LSAMP: variants seen among roughly 807,000 people sequenced by gnomAD.
LSAMP encodes limbic system-associated membrane protein.
LSAMP carries 7 observed loss-of-function variants against 38.6 expected under a neutral mutation model. The observed-to-expected ratio is 0.18, with a 90% CI of 0.10 to 0.34. LSAMP has a LOEUF of 0.34. LSAMP is among the 10% of genes least tolerant of loss of function. The pLI, the probability that LSAMP is intolerant of heterozygous loss-of-function variation, is 1.00. For missense variants in LSAMP, 313 were observed against 420.0 expected, an observed-to-expected ratio of 0.75 and a Z score of 2.23; for synonymous variants, 154 against 166.8, an observed-to-expected ratio of 0.92 and a Z score of 0.59.
rs567081851 is a variant in LSAMP at position 115,862,327 on chromosome 3, G to A, written c.515-9710C>T. Reference sequence around the variant, plus strand: ...GTGAATGTGTTAAACTCAGCAGGGTGATTGCACTATGGAAGGATTGCTAGG... The same window carrying A: ...GTGAATGTGTTAAACTCAGCAGGGTAATTGCACTATGGAAGGATTGCTAGG... On this transcript the variant is annotated intron_variant, in intron 3 of 6. Coordinates refer to ENST00000490035, the MANE Select transcript of LSAMP (RefSeq NM_002338.5). Among the ~76,000 whole-genome samples the A allele has an allele frequency of 3.3e-5, 5 of 152,314 alleles. No individual in the cohort carries two copies. In the East Asian group the frequency reaches 9.6e-4, roughly 29 times the overall value.
chr3:116,071,617 G>A (rs1196543685), intron 2 of LSAMP, among the ~76,000 whole-genome samples: 1 of 151,898 alleles, frequency 6.6e-6, no homozygotes, highest in Non-Finnish European at 1.5e-5. Context: ...TTAAGTTCTA[G>A]GGTACACTGG....
chr3:115,817,107 C>T (rs569685096), intron 6 of LSAMP, among the ~76,000 whole-genome samples: 1 of 152,202 alleles, frequency 6.6e-6, no homozygotes, highest in South Asian at 2.1e-4. Flanking sequence ...GCTTGCTTTT[C>T]ATTTGCTTGG....
chr3:116,170,281 C>T (rs1710164366), intron 1 of LSAMP, among the ~76,000 whole-genome samples: 1 of 150,984 alleles, frequency 6.6e-6, no homozygotes, highest in African/African-American at 2.5e-5. Flanking sequence ...TTTTATAAGC[C>T]AATCGGAGGA....
intron 1 of LSAMP, among the ~76,000 whole-genome samples, chr3:116,285,966 T>TTCA (rs921087790): frequency 8.5e-5 from 13 of 152,096 alleles, no homozygotes; most frequent in African/African-American, 3.1e-4. Context: ...GAAAACAGGC[T>TTCA]TCATCTCTAG....
intron 2 of LSAMP, among the ~76,000 whole-genome samples, chr3:116,023,801 TG>T (rs1361301729): frequency 6.6e-6 from 1 of 152,192 alleles, no homozygotes; most frequent in East Asian, 1.9e-4. Flanking sequence ...CATTCATGAT[TG>T]GCCCTGCTTA....
At chr3:116,133,224 A>C (rs1709173182) in intron 1 of LSAMP, among the ~76,000 whole-genome samples, 1 of 151,832 alleles carries the variant, frequency 6.6e-6, no homozygotes, top group Non-Finnish European at 1.5e-5. Flanking sequence ...AACTTGGTGA[A>C]TCTCTTTCCA....
At chr3:116,149,123 G>A (rs1406139010) in intron 1 of LSAMP, among the ~76,000 whole-genome samples, 1 of 151,974 alleles carries the variant, frequency 6.6e-6, no homozygotes, top group African/African-American at 2.4e-5. Flanking sequence ...TCTAGAGAGA[G>A]GGTTCATGTG....
intron 4 of LSAMP, among the ~76,000 whole-genome samples, chr3:115,844,761 G>A (rs1391889871): frequency 6.6e-6 from 1 of 152,152 alleles, no homozygotes; most frequent in Non-Finnish European, 1.5e-5. Context: ...TGGATCACTT[G>A]AGGTCAGGAG....
At chr3:115,861,764 C>T (rs1316081671) in intron 3 of LSAMP, among the ~76,000 whole-genome samples, 1 of 152,142 alleles carries the variant, frequency 6.6e-6, no homozygotes, top group African/African-American at 2.4e-5. Flanking sequence ...TTTCCTGGGA[C>T]ATACTGTGGA....
At chr3:116,177,845 A>G (rs889529052) in intron 1 of LSAMP, among the ~76,000 whole-genome samples, 7 of 152,258 alleles carry the variant, frequency 4.6e-5, no homozygotes, top group East Asian at 1.9e-4. Context: ...GAAGCAGTTA[A>G]AAAAATGTCC....
intron 1 of LSAMP, among the ~76,000 whole-genome samples, chr3:116,203,529 C>T (rs2046020254): frequency 6.7e-6 from 1 of 150,026 alleles, no homozygotes; most frequent in Admixed American, 6.6e-5. Context: ...AGGTATATCT[C>T]CCAATGCTAT....
At chr3:116,372,714 A>G (rs1489915463) in intron 1 of LSAMP, among the ~76,000 whole-genome samples, 1 of 146,262 alleles carries the variant, frequency 6.8e-6, no homozygotes, top group African/African-American at 2.5e-5. Context: ...TTAAAAAAAA[A>G]TGGGCAAAAG....
intron 3 of LSAMP, among the ~76,000 whole-genome samples, chr3:115,871,189 A>G (rs1936022612): frequency 1.3e-5 from 2 of 152,142 alleles, no homozygotes; most frequent in African/African-American, 4.8e-5. Flanking sequence ...GATAGACCAT[A>G]GAGAAAATGG....
chr3:116,076,581 A>T (rs963451807), intron 2 of LSAMP, among the ~76,000 whole-genome samples: 19 of 152,296 alleles, frequency 1.2e-4, no homozygotes, highest in African/African-American at 4.6e-4. Context: ...AAAGTTGGTT[A>T]TTTATGCCTG....
At chr3:116,172,895 AAC>A (rs1447910821) in intron 1 of LSAMP, among the ~76,000 whole-genome samples, 1 of 152,022 alleles carries the variant, frequency 6.6e-6, no homozygotes, top group African/African-American at 2.4e-5. Flanking sequence ...CAGGAAACAT[AAC>A]AGTTTCCACA....
chr3:115,920,797 T>C (rs1021719890), intron 3 of LSAMP, among the ~76,000 whole-genome samples: 6 of 152,130 alleles, frequency 3.9e-5, no homozygotes, highest in Non-Finnish European at 8.8e-5. Context: ...AGTATTGAAA[T>C]GCCCTACTAT....
chr3:115,803,821 T>C lies in LSAMP; in HGVS notation c.*6496A>G, dbSNP rs1380750974. The C allele has an allele frequency of 2.0e-5, 3 of 152,166 alleles. No homozygotes were observed. Among genetic ancestry groups the C allele is most frequent in the African/African-American group, 7.2e-5 (3 of 41,440 alleles). The allele number at this position is 152,166 out of a possible 1,614,324, so 9.4% of individuals were successfully genotyped here. Reference sequence around the variant, plus strand: ...GCCTTTGAACCTGCCTGGGACCCCATGCTTACCGCCATCAGCACAAGCAAA... The same window carrying C: ...GCCTTTGAACCTGCCTGGGACCCCACGCTTACCGCCATCAGCACAAGCAAA... On this transcript the variant is annotated 3_prime_UTR_variant, in exon 7 of 7. Transcript: ENST00000490035.
chr3:115,876,259 A>T (rs554337088), intron 3 of LSAMP, among the ~76,000 whole-genome samples: 7 of 146,102 alleles, frequency 4.8e-5, no homozygotes, highest in African/African-American at 7.7e-5. Flanking sequence ...TCTGATTTAA[A>T]AAAAAAAAAA....
intron 1 of LSAMP, among the ~76,000 whole-genome samples, chr3:116,103,143 C>G (rs529345510): frequency 2.4e-4 from 36 of 152,190 alleles, no homozygotes; most frequent in African/African-American, 7.7e-4. Flanking sequence ...TCATTGTATT[C>G]TGTCCTGAGA....
Sources: gnomAD v4.1 joint callset for allele counts (sites outside exome capture counted in the v4.1 genomes callset) on GRCh38, gnomAD v4.1.1 for gene constraint, MANE v1.5 for transcripts, NCBI Gene and HGNC (gene_info 2026-07-23, HGNC 2026-07-21) for gene names.